CRB2: variants seen among roughly 807,000 people sequenced by gnomAD.
The protein encoded by CRB2 is crumbs cell polarity complex component 2, also known as protein crumbs homolog 2.
A neutral mutation model predicts 110.9 loss-of-function variants in CRB2; 85 were observed. That is an observed-to-expected ratio of 0.77 (90% confidence interval 0.64 to 0.92). CRB2 has a LOEUF of 0.92. Ranked by LOEUF, CRB2 falls within the 40% of genes least tolerant of loss-of-function variation. The pLI, the probability that CRB2 is intolerant of heterozygous loss-of-function variation, is 0.00. For missense variants in CRB2, 1,843 were observed against 1,851.3 expected, an observed-to-expected ratio of 1.00 and a Z score of 0.08; for synonymous variants, 907 against 831.0, an observed-to-expected ratio of 1.09 and a Z score of -1.57.
chr9:123,370,623 G>T lies in CRB2; in HGVS notation c.1570G>T (p.Val524Phe). The change falls in exon 7 of 13, where the codon GTT becomes TTT. Residue 524 changes from valine to phenylalanine, a missense_variant. Coordinates refer to ENST00000373631, the MANE Select transcript of CRB2 (RefSeq NM_173689.7). ...LNDGHWHQVE[V>F]VLHLATLELR... ...CGATGGCCATTGGCACCAGGTGGAG[G>T]TTGTGCTCCATCTAGCGACCCTGGA... The T allele has an allele frequency of 6.2e-7, 1 of 1,611,678 alleles. No homozygotes were observed. The highest frequency in any genetic ancestry group is 8.5e-7 in the Non-Finnish European group (1 of 1,180,024).
In CRB2 at chr9:123,370,791, C is replaced by T. The variant is rs770364789; in HGVS notation, c.1738C>T (p.Leu580Phe). The change falls in exon 7 of 13, where the codon CTC becomes TTC. Residue 580 changes from leucine (L) to phenylalanine (F), a missense_variant. Leu to Phe is a conservative substitution (Grantham distance 22). Coordinates refer to ENST00000373631, the MANE Select transcript of CRB2 (RefSeq NM_173689.7). ...GGGGGACGCGACCTTTGCAGGCTGC[C>T]TCCAGGACGTGCGTGTGGATGGCCA... ...QLGDATFAGCLQDVRVDGHLL... is the reference protein window; with the variant it reads ...QLGDATFAGCFQDVRVDGHLL... 2.5e-6 allele frequency: 4 copies of T among 1,603,060 alleles called. No homozygotes were observed. The highest frequency in any genetic ancestry group is 2.5e-6 in the Non-Finnish European group (3 of 1,179,950).
intron 6 of CRB2, among the ~76,000 whole-genome samples, chr9:123,368,179 C>T (rs903225902): frequency 6.6e-6 from 1 of 152,128 alleles, no homozygotes; most frequent in African/African-American, 2.4e-5. Flanking sequence ...CCTGCCCCCT[C>T]TGGAATGCCT....
At position 123,361,139 on chromosome 9, in the gene CRB2, G is replaced by GCA. The variant is rs36027063; in HGVS notation, c.95-1726_95-1725insCA. ...AGCTTCAGATTGGATGGGCGGGGAG[G>GCA]GGGGGGGGTTCCTTGCACTGCACAG... is the stretch of plus-strand genomic sequence containing the variant. On this transcript the variant is annotated intron_variant, in intron 1 of 12. Transcript: ENST00000373631. Among the ~76,000 whole-genome samples the GCA allele has an allele frequency of 9.0e-3, 1,003 of 110,832 alleles. 65 individuals are homozygous for GCA. The highest frequency in any genetic ancestry group is 0.027 in the African/African-American group (963 of 35,480). The allele number at this position is 110,832 out of a possible 152,430, so 72.7% of individuals were successfully genotyped here. A position where few individuals can be genotyped will look rare whatever the true frequency, so the allele number is the denominator to read the frequency against.
At position 123,376,427 on chromosome 9, in the gene CRB2, CT is replaced by C. The variant is rs567251677; in HGVS notation, c.3634-410del. ...CTGTCATAACAGCCCCTCGGCCCCC[CT>C]GCCACCCTGCCCCCGCAGGTGGGCC... On this transcript the variant is annotated intron_variant, in intron 12 of 12. Transcript: ENST00000373631. 6.6e-3 allele frequency among the ~76,000 whole-genome samples: 1,009 copies of C among 152,324 alleles called. 10 individuals are homozygous for C. The highest frequency in any genetic ancestry group is 0.023 in the African/African-American group (967 of 41,574).
intron 6 of CRB2, chr9:123,368,692 G>C (rs2041970159): frequency 1.1e-6 from 1 of 900,592 alleles, no homozygotes. Context: ...GAGCCAGGGA[G>C]GGGGGACCCC....
Position 123,366,208 on chromosome 9 carries a change from G to A in CRB2, c.615-19G>A, listed in dbSNP as rs762028415. 5.0e-6 allele frequency: 7 copies of A among 1,409,414 alleles called. No individual in the cohort carries two copies. Among genetic ancestry groups the A allele is most frequent in the Non-Finnish European group, 6.4e-6 (7 of 1,091,896 alleles). 87.3% of individuals were successfully genotyped at this position (1,409,414 alleles called of 1,614,324 possible). A position where few individuals can be genotyped will look rare whatever the true frequency, so the allele number is the denominator to read the frequency against. ...AAGGGGCAGGCGCGCGCTCAGCTCC[G>A]CCGGTGCGCCCTCCCCAGGTTCCGG... On this transcript the variant is annotated intron_variant, in intron 3 of 12. Coordinates refer to ENST00000373631, the MANE Select transcript of CRB2 (RefSeq NM_173689.7).
At position 123,373,635 on chromosome 9, in the gene CRB2, C is replaced by T. The variant is rs1564377569; in HGVS notation, c.3104C>T (p.Pro1035Leu). The change falls in exon 10 of 13, where the codon CCT (proline) becomes CTT (leucine). Residue 1035 changes from proline to leucine, a missense_variant. Coordinates refer to ENST00000373631, the MANE Select transcript of CRB2 (RefSeq NM_173689.7). The part of the protein sequence containing the change: ...PLARPRPGAA[P>L]GAREHFASWP... ...GCGCGGCCCCGGCCCGGCGCGGCCC[C>T]TGGCGCCCGAGAGCACTTCGCGTCT... is the stretch of plus-strand genomic sequence containing the variant. 2 of 1,374,786 alleles carry T rather than the reference C, an allele frequency of 1.5e-6. No homozygotes were observed. Among genetic ancestry groups the T allele is most frequent in the Non-Finnish European group, 9.3e-7 (1 of 1,072,142 alleles). The allele number at this position is 1,374,786 out of a possible 1,614,324, so 85.2% of individuals were successfully genotyped here.
rs751872877 is a variant in CRB2, at chr9:123,373,433, G to A, written c.2902G>A (p.Ala968Thr). The A allele has an allele frequency of 6.9e-7, 1 of 1,447,608 alleles. No individual in the cohort carries two copies. The highest frequency in any genetic ancestry group is 2.6e-5 in the Admixed American group (1 of 38,152). The allele number at this position is 1,447,608 out of a possible 1,614,324, so 89.7% of individuals were successfully genotyped here. A position where few individuals can be genotyped will look rare whatever the true frequency, so the allele number is the denominator to read the frequency against. ...RVRLAMERPAATTSRWLLWLD... is the reference protein window; with the variant it reads ...RVRLAMERPATTTSRWLLWLD... ...GCGTCTGGCCATGGAGCGCCCGGCG[G>A]CCACCACCTCGCGCTGGCTGCTGTG... The change falls in exon 10 of 13, where the codon GCC (alanine) becomes ACC (threonine). Residue 968 changes from alanine to threonine, a missense_variant. Physicochemically the swap from Ala to Thr is moderately conservative, Grantham distance 58 (BLOSUM62 0). Coordinates refer to ENST00000373631, the MANE Select transcript of CRB2 (RefSeq NM_173689.7).
rs779445287 is a variant in CRB2, at chr9:123,372,305, A to G, written c.2565A>G (p.Pro855=). 1 of 1,609,354 alleles carries G rather than the reference A, an allele frequency of 6.2e-7. No homozygotes were observed. The highest frequency in any genetic ancestry group is 8.5e-7 in the Non-Finnish European group (1 of 1,177,572). The change falls in exon 9 of 13, where the codon CCA becomes CCG. Residue 855 remains proline (P), a synonymous_variant. Coordinates refer to ENST00000373631, the MANE Select transcript of CRB2 (RefSeq NM_173689.7). ...GGTGTCCCGGCCAGCCCTGTCTCCC[A>G]CCTGCCACGTGTGAGGAGGTCCCTG... ...QLWCPGQPCL[P]PATCEEVPDG...
intron 1 of CRB2, among the ~76,000 whole-genome samples, chr9:123,357,289 CA>C (rs2041810704): frequency 6.6e-6 from 1 of 152,072 alleles, no homozygotes; most frequent in African/African-American, 2.4e-5. Flanking sequence ...ACTATAGTTA[CA>C]GGGGCCGGGC....
chr9:123,367,656 T>C lies in CRB2; in HGVS notation c.1024T>C (p.Phe342Leu). Reference sequence around the variant, plus strand: ...CCACTGCCAGGACCTGCCCAATGGCTTCCAGTGTCACTGCCCAGATGGCTA... The same window carrying C: ...CCACTGCCAGGACCTGCCCAATGGCCTCCAGTGTCACTGCCCAGATGGCTA... ...GGHCQDLPNGFQCHCPDGYAG... is the reference protein window; with the variant it reads ...GGHCQDLPNGLQCHCPDGYAG... The change falls in exon 6 of 13, where the codon TTC becomes CTC. Residue 342 changes from phenylalanine (F) to leucine (L), a missense_variant. By Grantham distance (22) the Phe-to-Leu change is conservative (BLOSUM62 0). Transcript: ENST00000373631. The C allele has an allele frequency of 1.3e-6, 2 of 1,566,536 alleles. No individual in the cohort carries two copies. Among genetic ancestry groups the C allele is most frequent in the Non-Finnish European group, 1.7e-6 (2 of 1,156,336 alleles).
rs748154967 is a variant in CRB2 at position 123,367,222 on chromosome 9, C to G, written c.805C>G (p.Pro269Ala). 1.2e-5 allele frequency: 19 copies of G among 1,600,658 alleles called. No homozygotes were observed. Among genetic ancestry groups the G allele is most frequent in the Non-Finnish European group, 1.6e-5 (19 of 1,178,110 alleles). The change falls in exon 5 of 13, where the codon CCC becomes GCC. Residue 269 changes from proline to alanine, a missense_variant. Pro to Ala is a conservative substitution (Grantham distance 27, BLOSUM62 -1). Coordinates refer to ENST00000373631, the MANE Select transcript of CRB2 (RefSeq NM_173689.7). ...EVDEDECASS[P>A]CQHGGRCLQR... ...GGACGAGGACGAGTGTGCATCGAGC[C>G]CCTGCCAGCATGGGGGCCGATGCCT...
Position 123,370,486 on chromosome 9 carries a change from A to C in CRB2, c.1433A>C (p.Asn478Thr), listed in dbSNP as rs575296054. ...TLPAGTLATR[N>T]DTKESLELAL... ...CCCGCTGGGACCTTGGCCACTCGCA[A>C]TGACACCAAGGAAAGCTTGGAGCTG... Residue 478 changes from asparagine to threonine, a missense_variant, in exon 7 of 13, where the codon AAT becomes ACT. Physicochemically the swap from Asn to Thr is moderately conservative, Grantham distance 65. Coordinates refer to ENST00000373631, the MANE Select transcript of CRB2 (RefSeq NM_173689.7). 7 of 1,613,478 alleles carry C rather than the reference A, an allele frequency of 4.3e-6. No individual in the cohort carries two copies. The East Asian group carries it at 8.9e-5, about 21-fold the overall frequency.
rs2041926294 is a variant in CRB2, at chr9:123,366,036, C to T, written c.538C>T (p.Arg180Cys). 2.5e-6 allele frequency: 4 copies of T among 1,586,898 alleles called. No individual in the cohort carries two copies. The highest frequency in any genetic ancestry group is 3.4e-6 in the Non-Finnish European group (4 of 1,173,986). Residue 180 changes from arginine (R) to cysteine (C), a missense_variant, in exon 3 of 13, where the codon CGT (arginine) becomes TGT (cysteine). By Grantham distance (180) the Arg-to-Cys change is radical (BLOSUM62 -3). Transcript: ENST00000373631. Reference sequence around the variant, plus strand: ...GTGCGCGCCAGGCTACGGGGGCACCCGTTGCCAGCTGGACCTCGACGAGTG... The same window carrying T: ...GTGCGCGCCAGGCTACGGGGGCACCTGTTGCCAGCTGGACCTCGACGAGTG... ...CVCAPGYGGTRCQLDLDECQS... is the reference protein window; with the variant it reads ...CVCAPGYGGTCCQLDLDECQS...
chr9:123,367,272 CG>C lies in CRB2; in HGVS notation c.860del (p.Gly287ValfsTer157). ...CLQRSDPALYGGVQAAFPGAF... is the reference protein window; with the variant it reads ...CLQRSDPALYXGVQAAFPGAF... ...TGCAGCGCTCTGACCCGGCCCTCTA[CG>C]GGGGTGTCCAGGCCGCCTTCCCTGG... On this transcript the variant is annotated frameshift_variant, in exon 5 of 13. Coordinates refer to ENST00000373631, the MANE Select transcript of CRB2 (RefSeq NM_173689.7). LOFTEE classifies it high-confidence loss of function. The C allele has an allele frequency of 6.2e-7, 1 of 1,600,128 alleles. No individual in the cohort carries two copies.
chr9:123,372,853 C>T (rs1178120874), intron 9 of CRB2, among the ~76,000 whole-genome samples: 1 of 152,242 alleles, frequency 6.6e-6, no homozygotes, highest in Non-Finnish European at 1.5e-5. Flanking sequence ...CAGATTCTGC[C>T]AGGAGTTGCT....
At chr9:123,368,895 A>G (rs2041975957) in intron 6 of CRB2, 2 of 1,270,050 alleles carry the variant, frequency 1.6e-6, no homozygotes, top group Non-Finnish European at 2.0e-6. Context: ...GGGCATGGCA[A>G]TGGAGCCGGG....
intron 12 of CRB2, among the ~76,000 whole-genome samples, chr9:123,376,469 CT>C (rs1394692260): frequency 6.6e-6 from 1 of 152,180 alleles, no homozygotes; most frequent in East Asian, 1.9e-4. Flanking sequence ...GGATTCTGAC[CT>C]TGCTATTGTG....
chr9:123,365,589 C>A (rs978712063), intron 2 of CRB2, among the ~76,000 whole-genome samples: 1 of 152,200 alleles, frequency 6.6e-6, no homozygotes, highest in South Asian at 2.1e-4. Flanking sequence ...GAGCAGACCC[C>A]GGCTATTGCT....
Sources: gnomAD v4.1 joint callset for allele counts (sites outside exome capture counted in the v4.1 genomes callset) on GRCh38, gnomAD v4.1.1 for gene constraint, MANE v1.5 for transcripts, NCBI Gene and HGNC (gene_info 2026-07-23, HGNC 2026-07-21) for gene names.